Variants in TRIM6 observed in about 807,000 individuals in gnomAD.
The protein encoded by TRIM6 is tripartite motif containing 6.
A neutral mutation model predicts 51.2 loss-of-function variants in TRIM6; 43 were observed. The observed-to-expected ratio is 0.84, with a 90% CI of 0.66 to 1.08. The LOEUF is 1.08. TRIM6 is among the 50% of genes least tolerant of loss of function. The pLI, the probability that TRIM6 is intolerant of heterozygous loss-of-function variation, is 0.00. For missense variants in TRIM6, 669 were observed against 619.0 expected, an observed-to-expected ratio of 1.08 and a Z score of -0.86; for synonymous variants, 215 against 232.4, an observed-to-expected ratio of 0.93 and a Z score of 0.68.
At chr11:5,604,504 T>G in intron 2 of TRIM6, 30 bp from the exon 3 acceptor site, 1 of 1,597,560 alleles carries the variant, frequency 6.3e-7, no homozygotes, top group Non-Finnish European at 8.5e-7. Flanking sequence ...GAAGGCTTGA[T>G]CCTGCTTGAC....
Position 5,612,106 on chromosome 11 carries a change from T to G in TRIM6, c.*764T>G, listed in dbSNP as rs978407501. 5.5e-4 allele frequency: 84 copies of G among 152,322 alleles called. No individual in the cohort carries two copies. The highest frequency in any genetic ancestry group is 1.8e-3 in the African/African-American group (76 of 41,556). 9.4% of individuals were successfully genotyped at this position (152,322 alleles called of 1,614,324 possible). ...CTTGCTGAAATACACCATTATTATT[T>G]GTTGTATGCAATACTGGATTTATTT... On this transcript the variant is annotated 3_prime_UTR_variant, in exon 8 of 8. Coordinates refer to ENST00000380097, the MANE Select transcript of TRIM6 (RefSeq NM_001003818.3).
rs185679159 is a variant in TRIM6 at position 5,597,901 on chromosome 11, G to A, written c.17+987G>A. On this transcript the variant is annotated intron_variant, in intron 1 of 7. Coordinates refer to ENST00000380097, the MANE Select transcript of TRIM6 (RefSeq NM_001003818.3). ...CAGTGCTTCTGAAGCCTTAATGTGC[G>A]TAAGAATCACCTAGAGAACTTTAAT... Among the ~76,000 whole-genome samples the A allele has an allele frequency of 1.8e-3, 262 of 148,542 alleles. 1 individual carries two copies. Among genetic ancestry groups the A allele is most frequent in the Admixed American group, 2.8e-3 (41 of 14,530 alleles).
At chr11:5,608,232 G>A (rs1590111792) in intron 4 of TRIM6, 140 bp from the exon 5 acceptor site, 1 of 1,311,208 alleles carries the variant, frequency 7.6e-7, no homozygotes. Context: ...TCTGCCCTGA[G>A]TTTTTTCTCT....
In TRIM6 at chr11:5,612,138, C is replaced by T. The variant is rs934353843; in HGVS notation, c.*796C>T. 5 of 152,192 alleles carry T rather than the reference C, an allele frequency of 3.3e-5. No homozygotes were observed. Among genetic ancestry groups the T allele is most frequent in the Non-Finnish European group, 5.9e-5 (4 of 68,002 alleles). 9.4% of individuals were successfully genotyped at this position (152,192 alleles called of 1,614,324 possible). A position where few individuals can be genotyped will look rare whatever the true frequency, so the allele number is the denominator to read the frequency against. On this transcript the variant is annotated 3_prime_UTR_variant, in exon 8 of 8. Coordinates refer to ENST00000380097, the MANE Select transcript of TRIM6 (RefSeq NM_001003818.3). Reference sequence around the variant, plus strand: ...TGCAATACTGGATTTATTTTGATAACGTATTGTTTAGATTTTGTTCTCATC... The same window carrying T: ...TGCAATACTGGATTTATTTTGATAATGTATTGTTTAGATTTTGTTCTCATC...
intron 1 of TRIM6, among the ~76,000 whole-genome samples, chr11:5,602,580 C>T (rs771102430): frequency 2.0e-4 from 31 of 151,982 alleles, no homozygotes; most frequent in Admixed American, 4.6e-4. Context: ...CTTTACATCA[C>T]GAACGACAAA....
In TRIM6 at chr11:5,611,120, T is replaced by C. The variant is rs1194709217; in HGVS notation, c.1329T>C (p.Tyr443=). ...GLQHNHEYRA[Y]EDSSPSLLLS... ...AGCATAACCATGAATATAGGGCCTA[T>C]GAGGATTCTTCCCCTTCCCTGCTTC... Residue 443 remains tyrosine, a synonymous_variant, in exon 8 of 8, where the codon TAT becomes TAC. Transcript: ENST00000380097. 6.2e-7 allele frequency: 1 copy of C among 1,614,074 alleles called. No homozygotes were observed.
chr11:5,610,775 A>G lies in TRIM6; in HGVS notation c.986-2A>G, dbSNP rs758445450. The G allele has an allele frequency of 2.5e-6, 4 of 1,613,772 alleles. No individual in the cohort carries two copies. The highest frequency in any genetic ancestry group is 3.4e-6 in the Non-Finnish European group (4 of 1,179,778). On this transcript the variant is annotated splice_acceptor_variant, in intron 7 of 7. Coordinates refer to ENST00000380097, the MANE Select transcript of TRIM6 (RefSeq NM_001003818.3). LOFTEE classifies it high-confidence loss of function. Reference sequence around the variant, plus strand: ...CTGCTGATGTTGTACCTTTTCCTACAGTTGACGTGACCCTGAATCCACACA... The same window carrying G: ...CTGCTGATGTTGTACCTTTTCCTACGGTTGACGTGACCCTGAATCCACACA...
chr11:5,611,433 T>C lies in TRIM6; in HGVS notation c.*91T>C. ...TCTGATCTTCTGTTTTTCTGTGTTC[T>C]CAATTCTTTTGTTGTTTTTTGGTTT... On this transcript the variant is annotated 3_prime_UTR_variant, in exon 8 of 8. Transcript: ENST00000380097. 16 of 1,150,610 alleles carry C rather than the reference T, an allele frequency of 1.4e-5. No homozygotes were observed. The South Asian group carries it at 2.3e-4, about 16-fold the overall frequency. 71.3% of individuals were successfully genotyped at this position (1,150,610 alleles called of 1,614,324 possible).
At chr11:5,604,063 C>A (rs770288611) in intron 2 of TRIM6, among the ~76,000 whole-genome samples, 2 of 151,900 alleles carry the variant, frequency 1.3e-5, no homozygotes, top group African/African-American at 2.4e-5. Flanking sequence ...TGGTGCGATC[C>A]CGGCTCACTG....
chr11:5,599,893 C>T (rs1417677127), intron 1 of TRIM6, among the ~76,000 whole-genome samples: 2 of 152,118 alleles, frequency 1.3e-5, no homozygotes, highest in African/African-American at 4.8e-5. Flanking sequence ...TAAATAGAGC[C>T]TCTATTGCCT....
rs1848616362 is a variant in TRIM6, at chr11:5,612,543, A to C, written c.*1201A>C. 1 of 152,234 alleles carries C rather than the reference A, an allele frequency of 6.6e-6. No individual in the cohort carries two copies. Among genetic ancestry groups the C allele is most frequent in the African/African-American group, 2.4e-5 (1 of 41,466 alleles). The allele number at this position is 152,234 out of a possible 1,614,324, so 9.4% of individuals were successfully genotyped here. On this transcript the variant is annotated 3_prime_UTR_variant, in exon 8 of 8. Coordinates refer to ENST00000380097, the MANE Select transcript of TRIM6 (RefSeq NM_001003818.3). The stretch of plus-strand genomic sequence containing the variant: ...ACAAAGAGAAAATATGAACAATATA[A>C]AGCACTTAAAGGAAGAGGATGATTT...
chr11:5,607,426 A>G (rs1848292237), intron 4 of TRIM6, among the ~76,000 whole-genome samples: 2 of 152,198 alleles, frequency 1.3e-5, no homozygotes, highest in African/African-American at 4.8e-5. Flanking sequence ...TTGTGCCTCT[A>G]TGAAATGCCA....
At position 5,605,509 on chromosome 11, in the gene TRIM6, G is replaced by A. The variant is rs752753802; in HGVS notation, c.776G>A (p.Arg259Gln). The change falls in exon 4 of 8, where the codon CGA becomes CAA. Residue 259 changes from arginine (R) to glutamine (Q), a missense_variant. Physicochemically the swap from Arg to Gln is conservative, Grantham distance 43 (BLOSUM62 1). Transcript: ENST00000380097. ...NDLVHQTQSL[R>Q]ELISDLERRC... ...CTGGTCCACCAGACCCAGTCGCTGC[G>A]AGAGCTCATCTCGGATCTGGAGCGT... is the stretch of plus-strand genomic sequence containing the variant. 1.5e-5 allele frequency: 24 copies of A among 1,614,056 alleles called. No individual in the cohort carries two copies. The highest frequency in any genetic ancestry group is 2.2e-5 in the South Asian group (2 of 91,090).
chr11:5,606,101 G>T (rs139966164), intron 4 of TRIM6, among the ~76,000 whole-genome samples: 1 of 152,274 alleles, frequency 6.6e-6, no homozygotes, highest in African/African-American at 2.4e-5. Context: ...TGCTGTGTTG[G>T]GAATTTGCCA....
chr11:5,603,279 G>C lies in TRIM6; in HGVS notation c.51G>C (p.Arg17Ser), dbSNP rs930108651. The C allele has an allele frequency of 6.2e-7, 1 of 1,613,866 alleles. No individual in the cohort carries two copies. Among genetic ancestry groups the C allele is most frequent in the Non-Finnish European group, 8.5e-7 (1 of 1,179,980 alleles). ...ILQAGNILEIRVGQAGARRVA... is the reference protein window; with the variant it reads ...ILQAGNILEISVGQAGARRVA... ...AGGCAGGAAACATCTTAGAAATCAG[G>C]GTTGGGCAGGCAGGAGCCAGGAGAG... Residue 17 changes from arginine to serine, a missense_variant, in exon 2 of 8, where the codon AGG becomes AGC. By Grantham distance (110) the Arg-to-Ser change is moderately radical. Coordinates refer to ENST00000380097, the MANE Select transcript of TRIM6 (RefSeq NM_001003818.3).
chr11:5,610,154 C>A lies in TRIM6; in HGVS notation c.867C>A (p.Phe289Leu). Residue 289 changes from phenylalanine (F) to leucine (L), a missense_variant, in exon 6 of 8, where the codon TTC becomes TTA. Physicochemically the swap from Phe to Leu is conservative, Grantham distance 22. Transcript: ENST00000380097. ...DVSDVTERSE[F>L]WTLRKPEALP... ...GTCCTGTCCTTTCTAGGAGTGAGTT[C>A]TGGACCCTGAGGAAGCCAGAAGCTC... The A allele has an allele frequency of 6.2e-7, 1 of 1,614,108 alleles. No homozygotes were observed. The highest frequency in any genetic ancestry group is 8.5e-7 in the Non-Finnish European group (1 of 1,180,008).
At chr11:5,599,383 A>ATTTATT (rs1847682513) in intron 1 of TRIM6, among the ~76,000 whole-genome samples, 39 of 146,936 alleles carry the variant, frequency 2.7e-4, no homozygotes, top group African/African-American at 7.2e-4. Context: ...TACAATTATT[A>ATTTATT]TATTTATTTA....
chr11:5,607,327 A>G (rs1848286059), intron 4 of TRIM6, among the ~76,000 whole-genome samples: 1 of 152,226 alleles, frequency 6.6e-6, no homozygotes, highest in Non-Finnish European at 1.5e-5. Context: ...CAGTACAGCC[A>G]CAATGTAAGA....
chr11:5,596,704 G>C lies in TRIM6; in HGVS notation c.-194G>C. Reference sequence around the variant, plus strand: ...TGGGTCCGTCCGTTCAACGGCCAAAGGCTGGCGGAGGAGGGATCCCCTGCC... The same window carrying C: ...TGGGTCCGTCCGTTCAACGGCCAAACGCTGGCGGAGGAGGGATCCCCTGCC... On this transcript the variant is annotated 5_prime_UTR_variant, in exon 1 of 8. Transcript: ENST00000380097. 1 of 809,410 alleles carries C rather than the reference G, an allele frequency of 1.2e-6. No homozygotes were observed. The highest frequency in any genetic ancestry group is 2.0e-6 in the Non-Finnish European group (1 of 512,242). The allele number at this position is 809,410 out of a possible 1,614,324, so 50.1% of individuals were successfully genotyped here.
Sources: allele counts gnomAD v4.1 joint callset (sites outside exome capture counted in the v4.1 genomes callset), GRCh38; gene constraint gnomAD v4.1.1; transcripts MANE v1.5; gene names NCBI Gene and HGNC (gene_info 2026-07-23, HGNC 2026-07-21).